Variants in IQCM observed in about 807,000 individuals in gnomAD.
IQCM encodes IQ motif containing M, also known as IQ domain-containing protein M.
In IQCM, 45 loss-of-function variants were observed where a neutral mutation model predicts 57.6. That is an observed-to-expected ratio of 0.78 (90% CI 0.62 to 1.00). IQCM has a LOEUF of 1.00. Among genes scored for constraint, IQCM ranks in the 50% least tolerant of loss-of-function variants. IQCM has a pLI of 0.00. For synonymous variants in IQCM, 148 were observed against 158.9 expected (o/e 0.93, Z 0.51); for missense variants, 468 against 511.6 (o/e 0.91, Z 0.82).
chr4:149,497,466 A>C (rs1742777528), intron 12 of IQCM, among the ~76,000 whole-genome samples: 3 of 152,110 alleles, frequency 2.0e-5, no homozygotes, highest in Admixed American at 2.0e-4. Flanking sequence ...ATCATGGCAG[A>C]AGGCAAAAGG....
intron 13 of IQCM, among the ~76,000 whole-genome samples, chr4:149,368,808 G>GTA (rs1234842441): frequency 1.1e-5 from 1 of 89,828 alleles, no homozygotes; most frequent in African/African-American, 4.8e-5. Context: ...ATATATACAT[G>GTA]TATATATATA....
intron 8 of IQCM, among the ~76,000 whole-genome samples, chr4:149,618,120 T>A (rs1188550908): frequency 6.6e-6 from 1 of 152,138 alleles, no homozygotes; most frequent in Admixed American, 6.5e-5. Flanking sequence ...AAGACTATAA[T>A]AATCAAAACA....
chr4:149,630,397 T>C (rs1047421678), intron 7 of IQCM, among the ~76,000 whole-genome samples: 3 of 152,180 alleles, frequency 2.0e-5, no homozygotes, highest in African/African-American at 7.2e-5. Context: ...GTGAACTAGA[T>C]AGTACATGTT....
At chr4:149,551,191 C>T (rs576221269) in intron 11 of IQCM, among the ~76,000 whole-genome samples, 91 of 152,282 alleles carry the variant, frequency 6.0e-4, no homozygotes, top group Non-Finnish European at 1.2e-3. Context: ...TGGCTTTCTC[C>T]AAGACTAGCC....
chr4:149,498,372 G>A (rs549621221), intron 12 of IQCM, among the ~76,000 whole-genome samples: 1 of 152,256 alleles, frequency 6.6e-6, no homozygotes, highest in Admixed American at 6.5e-5. Flanking sequence ...AGGATCAATG[G>A]TGGGACCTGC....
intron 13 of IQCM, among the ~76,000 whole-genome samples, chr4:149,412,017 T>C (rs1244381963): frequency 6.6e-6 from 1 of 152,156 alleles, no homozygotes; most frequent in Non-Finnish European, 1.5e-5. Context: ...AATGTCTTCA[T>C]AGATCTTTAC....
rs59087898 is a variant in IQCM at position 149,780,546 on chromosome 4, T to TATATATATATAA, written c.-49+34764_-49+34765insTTATATATATAT. ...AATATGTAAGTTATATATATATATA[T>TATATATATATAA]AAAACATATTTTTTTCCACAGAAGA... is the stretch of plus-strand genomic sequence containing the variant. On this transcript the variant is annotated intron_variant, in intron 2 of 13. Transcript: ENST00000636793. 2.1e-3 allele frequency among the ~76,000 whole-genome samples: 321 copies of TATATATATATAA among 150,972 alleles called. 1 individual carries two copies. The highest frequency in any genetic ancestry group is 5.9e-3 in the Admixed American group (89 of 15,122).
chr4:149,567,386 A>C (rs1367057546), intron 9 of IQCM, among the ~76,000 whole-genome samples: 1 of 151,940 alleles, frequency 6.6e-6, no homozygotes, highest in Non-Finnish European at 1.5e-5. Flanking sequence ...TCACTCTGTC[A>C]CCCAGGCCGG....
At chr4:149,529,776 C>T (rs1746547413) in intron 12 of IQCM, among the ~76,000 whole-genome samples, 1 of 152,172 alleles carries the variant, frequency 6.6e-6, no homozygotes, top group African/African-American at 2.4e-5. Flanking sequence ...GCTTCCCAGC[C>T]AATTCTTCAT....
At chr4:149,693,752 A>T (rs561228109) in intron 5 of IQCM, among the ~76,000 whole-genome samples, 2 of 152,126 alleles carry the variant, frequency 1.3e-5, no homozygotes, top group South Asian at 4.2e-4. Context: ...AAATTTGTTG[A>T]CTCCTATTTT....
At chr4:149,698,985 A>G (rs554363318) in intron 5 of IQCM, among the ~76,000 whole-genome samples, 1 of 152,216 alleles carries the variant, frequency 6.6e-6, no homozygotes. Context: ...TAAGTACTCA[A>G]TAAAATTAGT....
At chr4:149,470,201 C>A (rs1739356254) in intron 12 of IQCM, among the ~76,000 whole-genome samples, 1 of 151,822 alleles carries the variant, frequency 6.6e-6, no homozygotes, top group Non-Finnish European at 1.5e-5. Flanking sequence ...GAGTCAAGAC[C>A]CATCAGTGTG....
At chr4:149,677,541 AAG>A (rs1761854789) in intron 7 of IQCM, among the ~76,000 whole-genome samples, 1 of 152,082 alleles carries the variant, frequency 6.6e-6, no homozygotes, top group Non-Finnish European at 1.5e-5. Context: ...AAAAAAATAA[AAG>A]AAGCAAGACA....
intron 13 of IQCM, among the ~76,000 whole-genome samples, chr4:149,372,056 T>A (rs1730406108): frequency 6.6e-6 from 1 of 152,270 alleles, no homozygotes; most frequent in African/African-American, 2.4e-5. Flanking sequence ...ATTATCCCTA[T>A]TCACAACTAA....
At chr4:149,666,548 C>T (rs1346674041) in intron 7 of IQCM, among the ~76,000 whole-genome samples, 1 of 152,232 alleles carries the variant, frequency 6.6e-6, no homozygotes, top group South Asian at 2.1e-4. Flanking sequence ...GTTCATACCC[C>T]AGTAGTGCCT....
At chr4:149,735,633 AC>A (rs1431880853) in intron 3 of IQCM, among the ~76,000 whole-genome samples, 175 bp from the exon 4 acceptor site, 1 of 152,188 alleles carries the variant, frequency 6.6e-6, no homozygotes, top group Non-Finnish European at 1.5e-5. Context: ...ATCCTAAGTT[AC>A]TTCAGTCCAG....
At chr4:149,810,611 G>C (rs1001040848) in intron 2 of IQCM, among the ~76,000 whole-genome samples, 1 of 151,676 alleles carries the variant, frequency 6.6e-6, no homozygotes, top group Non-Finnish European at 1.5e-5. Context: ...CACCACGCCC[G>C]GCTAAGTTTT....
intron 7 of IQCM, among the ~76,000 whole-genome samples, chr4:149,646,951 T>G (rs1330158795): frequency 6.6e-6 from 1 of 152,206 alleles, no homozygotes; most frequent in Admixed American, 6.5e-5. Context: ...ACAACTGCAC[T>G]CCAACCTGGG....
chr4:149,656,784 G>T (rs1304488524), intron 7 of IQCM, among the ~76,000 whole-genome samples: 1 of 151,958 alleles, frequency 6.6e-6, no homozygotes. Context: ...AGCCTTGAGA[G>T]AAAATGAACT....
Sources: allele counts gnomAD v4.1 joint callset (sites outside exome capture counted in the v4.1 genomes callset), GRCh38; gene constraint gnomAD v4.1.1; transcripts MANE v1.5; gene names NCBI Gene and HGNC (gene_info 2026-07-23, HGNC 2026-07-21).